PRICKLE2: variants seen among roughly 807,000 people sequenced by gnomAD.
PRICKLE2 encodes prickle-like protein 2.
PRICKLE2 carries 21 observed loss-of-function variants against 81.4 expected under a neutral mutation model. The ratio of observed to expected loss-of-function variants is 0.26; its 90% CI spans 0.18 to 0.37. The LOEUF (loss-of-function observed/expected upper bound fraction) is 0.37, where lower values mean the gene tolerates loss of function less well. Ranked by LOEUF, PRICKLE2 falls within the 10% of genes least tolerant of loss-of-function variation. The pLI, the probability that PRICKLE2 is intolerant of heterozygous loss-of-function variation, is 1.00. For missense variants in PRICKLE2, 940 were observed against 1,109.0 expected, an observed-to-expected ratio of 0.85 and a Z score of 2.16; for synonymous variants, 456 against 421.5, an observed-to-expected ratio of 1.08 and a Z score of -1.00.
At chr3:64,251,105 A>T (rs1278853650) in intron 2 of PRICKLE2, among the ~76,000 whole-genome samples, 1 of 152,250 alleles carries the variant, frequency 6.6e-6, no homozygotes, top group Non-Finnish European at 1.5e-5. Flanking sequence ...CTCAATAAAG[A>T]TATTTTGATT....
chr3:64,243,571 T>C (rs1211237523), intron 2 of PRICKLE2, among the ~76,000 whole-genome samples: 5 of 152,218 alleles, frequency 3.3e-5, no homozygotes, highest in Non-Finnish European at 7.3e-5. Context: ...CTCAGCTCTG[T>C]CACTTACTAG....
chr3:64,164,479 C>T (rs950366512), intron 2 of PRICKLE2, among the ~76,000 whole-genome samples: 1 of 152,184 alleles, frequency 6.6e-6, no homozygotes, highest in African/African-American at 2.4e-5. Context: ...GGTGCGAAAG[C>T]TCTGTCTACT....
At chr3:64,184,781 C>A (rs563626983) in intron 2 of PRICKLE2, among the ~76,000 whole-genome samples, 1 of 152,196 alleles carries the variant, frequency 6.6e-6, no homozygotes, top group Non-Finnish European at 1.5e-5. Context: ...CTGTTCCAGG[C>A]CAGAAGAGCT....
At chr3:64,119,298 T>C (rs1203780626) in intron 7 of PRICKLE2, among the ~76,000 whole-genome samples, 2 of 152,256 alleles carry the variant, frequency 1.3e-5, no homozygotes, top group Middle Eastern at 3.4e-3. Flanking sequence ...GATGAAATAA[T>C]CTGTACAACA....
chr3:64,262,340 T>G (rs917032688), intron 2 of PRICKLE2, among the ~76,000 whole-genome samples: 1 of 152,126 alleles, frequency 6.6e-6, no homozygotes, highest in African/African-American at 2.4e-5. Context: ...ACTGGGTAGC[T>G]GGAGGTGCCA....
At chr3:64,121,769 C>A (rs2077032395) in intron 7 of PRICKLE2, among the ~76,000 whole-genome samples, 1 of 152,160 alleles carries the variant, frequency 6.6e-6, no homozygotes, top group Non-Finnish European at 1.5e-5. Context: ...TTAGTCAAAT[C>A]TTTGATTTTC....
At chr3:64,103,798 G>A (rs569695565) in intron 7 of PRICKLE2, among the ~76,000 whole-genome samples, 1 of 152,026 alleles carries the variant, frequency 6.6e-6, no homozygotes, top group Non-Finnish European at 1.5e-5. Context: ...TGGGCAACAT[G>A]GTGAAACCCT....
chr3:64,116,389 A>T (rs1903745), intron 7 of PRICKLE2, among the ~76,000 whole-genome samples: 16,639 of 152,164 alleles, frequency 0.11, 1,549 homozygotes, highest in East Asian at 0.28. Flanking sequence ...AAAGCCATTC[A>T]AAAGATCAAT....
At chr3:64,194,949 G>A (rs956659206) in intron 2 of PRICKLE2, among the ~76,000 whole-genome samples, 3 of 152,150 alleles carry the variant, frequency 2.0e-5, no homozygotes, top group Admixed American at 2.0e-4. Context: ...ACTGAGACAA[G>A]AGGATTCCCT....
chr3:64,157,872 T>G (rs1359567472), intron 4 of PRICKLE2, among the ~76,000 whole-genome samples: 1 of 152,232 alleles, frequency 6.6e-6, no homozygotes, highest in African/African-American at 2.4e-5. Context: ...CTTCTCTGTG[T>G]GCCTTTCAGG....
intron 2 of PRICKLE2, among the ~76,000 whole-genome samples, chr3:64,173,922 T>G (rs1417871759): frequency 6.6e-6 from 1 of 152,208 alleles, no homozygotes; most frequent in East Asian, 1.9e-4. Flanking sequence ...CCAGGAATAA[T>G]AAGAACTGAT....
At chr3:64,164,028 C>A (rs1460881529) in intron 2 of PRICKLE2, 1 of 151,250 alleles carries the variant, frequency 6.6e-6, no homozygotes, top group Non-Finnish European at 1.5e-5. Flanking sequence ...TCTTGCGAAA[C>A]AAGGCATTCA....
chr3:64,099,900 C>T lies in PRICKLE2; in HGVS notation c.1686G>A (p.Lys562=), dbSNP rs780167572. Residue 562 remains lysine, a synonymous_variant, in exon 8 of 8, where the codon AAG becomes AAA. Coordinates refer to ENST00000638394, the MANE Select transcript of PRICKLE2 (RefSeq NM_198859.4). This position sits in a 1 kb window ranked among gnomAD's most constrained non-coding sequence, Gnocchi z 4.3. The part of the protein sequence containing the change: ...ATGLSADGGA[K]RQEHLSRFSM... ...AAAATCGGGATAGGTGCTCCTGGCG[C>T]TTGGCACCACCATCAGCAGAGAGGC... 2.5e-6 allele frequency: 4 copies of T among 1,614,188 alleles called. No individual in the cohort carries two copies. Among genetic ancestry groups the T allele is most frequent in the Admixed American group, 1.7e-5 (1 of 60,028 alleles).
intron 7 of PRICKLE2, among the ~76,000 whole-genome samples, chr3:64,115,084 C>T (rs1037296474): frequency 2.6e-5 from 4 of 152,152 alleles, no homozygotes; most frequent in African/African-American, 7.2e-5. Context: ...CCCAGAATTT[C>T]ATATCCGGCC....
intron 6 of PRICKLE2, among the ~76,000 whole-genome samples, chr3:64,151,019 T>C (rs1189925806): frequency 1.3e-5 from 2 of 152,238 alleles, no homozygotes; most frequent in African/African-American, 2.4e-5. Context: ...AGGGTGTGTG[T>C]GTCTACTGCT....
At chr3:64,107,456 G>A (rs2076774610) in intron 7 of PRICKLE2, among the ~76,000 whole-genome samples, 1 of 152,248 alleles carries the variant, frequency 6.6e-6, no homozygotes, top group African/African-American at 2.4e-5. Context: ...AGATTGAACG[G>A]CAGACTTTAG....
At chr3:64,145,170 G>A (rs2077426699) in intron 7 of PRICKLE2, among the ~76,000 whole-genome samples, 1 of 144,198 alleles carries the variant, frequency 6.9e-6, no homozygotes. Context: ...TGGGATCATT[G>A]CTTAGTTCAG....
At chr3:64,164,721 T>C (rs917852601) in intron 2 of PRICKLE2, among the ~76,000 whole-genome samples, 11 of 152,324 alleles carry the variant, frequency 7.2e-5, no homozygotes, top group South Asian at 2.1e-4. Context: ...AGCCCCTCCC[T>C]ATAGGCAGCT....
intron 7 of PRICKLE2, among the ~76,000 whole-genome samples, chr3:64,122,228 TA>T (rs1342825173): frequency 1.3e-5 from 2 of 152,276 alleles, no homozygotes; most frequent in East Asian, 3.9e-4. Flanking sequence ...AAGAGAAACC[TA>T]AACCCAAGAT....
Sources: gnomAD v4.1 joint callset for allele counts (sites outside exome capture counted in the v4.1 genomes callset) on GRCh38, gnomAD v4.1.1 for gene constraint, Gnocchi (gnomAD v3.1) non-coding constraint, MANE v1.5 for transcripts, NCBI Gene and HGNC (gene_info 2026-07-23, HGNC 2026-07-21) for gene names.